Variants in PRKCE observed in about 807,000 individuals in gnomAD.
The protein encoded by PRKCE is protein kinase C epsilon type.
Under a neutral mutation model 85.4 loss-of-function variants are expected in PRKCE, and 16 were observed. The ratio of observed to expected loss-of-function variants is 0.19; its 90% CI spans 0.13 to 0.28. PRKCE has a LOEUF of 0.28. Ranked by LOEUF, PRKCE falls within the 10% of genes least tolerant of loss-of-function variation. The pLI, the probability that PRKCE is intolerant of heterozygous loss-of-function variation, is 1.00. For missense variants in PRKCE, 573 were observed against 975.2 expected, an observed-to-expected ratio of 0.59 and a Z score of 5.49; for synonymous variants, 388 against 371.5, an observed-to-expected ratio of 1.04 and a Z score of -0.51.
intron 2 of PRKCE, among the ~76,000 whole-genome samples, chr2:45,912,093 G>A (rs1398135359): frequency 6.6e-6 from 1 of 152,060 alleles, no homozygotes; most frequent in Non-Finnish European, 1.5e-5. Flanking sequence ...AGTTCTTCTA[G>A]TGTAGCAGTC....
At chr2:45,683,640 G>T (rs1572932680) in intron 1 of PRKCE, among the ~76,000 whole-genome samples, 1 of 152,204 alleles carries the variant, frequency 6.6e-6, no homozygotes, top group South Asian at 2.1e-4. Flanking sequence ...GGGGGGAAAT[G>T]CTTTGCGGGA....
chr2:45,788,955 C>T (rs1462559527), intron 1 of PRKCE, among the ~76,000 whole-genome samples: 1 of 152,214 alleles, frequency 6.6e-6, no homozygotes, highest in African/African-American at 2.4e-5. Flanking sequence ...CCTAGTCCTA[C>T]CCCAGACCAA....
chr2:46,169,632 C>G (rs1248012034), intron 14 of PRKCE, among the ~76,000 whole-genome samples: 1 of 152,216 alleles, frequency 6.6e-6, no homozygotes, highest in Non-Finnish European at 1.5e-5. Flanking sequence ...GGCTTATCAA[C>G]TGAGATGACT....
chr2:45,880,431 G>T (rs1216157478), intron 2 of PRKCE, among the ~76,000 whole-genome samples: 2 of 152,178 alleles, frequency 1.3e-5, no homozygotes, highest in Non-Finnish European at 2.9e-5. Context: ...TATTTGTAGT[G>T]TGAGGAATGG....
intron 12 of PRKCE, among the ~76,000 whole-genome samples, chr2:46,149,339 T>G (rs1486444862): frequency 6.6e-6 from 1 of 152,138 alleles, no homozygotes; most frequent in East Asian, 1.9e-4. Context: ...GTGTTCCCCC[T>G]TGCAGGATAT....
intron 1 of PRKCE, among the ~76,000 whole-genome samples, chr2:45,823,055 A>AG (rs1558714206): frequency 6.6e-6 from 1 of 152,212 alleles, no homozygotes; most frequent in East Asian, 1.9e-4. Context: ...TGCTAGGCCC[A>AG]GGGGAAACAA....
chr2:45,806,066 C>A (rs1338340991), intron 1 of PRKCE, among the ~76,000 whole-genome samples: 2 of 152,150 alleles, frequency 1.3e-5, no homozygotes, highest in Admixed American at 6.5e-5. Context: ...TGAATGAGCT[C>A]CAGGATTTTG....
At chr2:45,852,548 C>G (rs1489104957) in intron 2 of PRKCE, among the ~76,000 whole-genome samples, 2 of 152,190 alleles carry the variant, frequency 1.3e-5, no homozygotes, top group East Asian at 3.9e-4. Context: ...CCTCTAGGAG[C>G]TCTCAAGCCA....
At chr2:45,748,200 T>C (rs1455020445) in intron 1 of PRKCE, among the ~76,000 whole-genome samples, 2 of 152,248 alleles carry the variant, frequency 1.3e-5, no homozygotes, top group Non-Finnish European at 2.9e-5. Context: ...CATGGATATA[T>C]GCCAGGCATC....
intron 1 of PRKCE, among the ~76,000 whole-genome samples, chr2:45,755,325 C>T (rs916440602): frequency 6.6e-6 from 1 of 152,298 alleles, no homozygotes; most frequent in East Asian, 1.9e-4. Flanking sequence ...GCAGCAAATA[C>T]ATTTTTGCAG....
At chr2:45,729,112 A>C (rs1337661762) in intron 1 of PRKCE, among the ~76,000 whole-genome samples, 1 of 152,072 alleles carries the variant, frequency 6.6e-6, no homozygotes, top group Non-Finnish European at 1.5e-5. Flanking sequence ...GGAAGCCTGG[A>C]CTCCAAAGGA....
intron 1 of PRKCE, among the ~76,000 whole-genome samples, chr2:45,839,175 A>G (rs1240255349): frequency 6.6e-6 from 1 of 151,974 alleles, no homozygotes; most frequent in African/African-American, 2.4e-5. Flanking sequence ...AGTGCTTTGC[A>G]TGTATGTTTC....
chr2:45,965,224 C>T (rs896764159), intron 2 of PRKCE, among the ~76,000 whole-genome samples: 4 of 152,200 alleles, frequency 2.6e-5, no homozygotes, highest in Non-Finnish European at 4.4e-5. Flanking sequence ...TGTGTGAGTA[C>T]ACATGTAGAA....
Position 45,679,243 on chromosome 2 carries a change from C to T in PRKCE, c.348+26795C>T, listed in dbSNP as rs565666863. On this transcript the variant is annotated intron_variant, in intron 1 of 14. Coordinates refer to ENST00000306156, the MANE Select transcript of PRKCE (RefSeq NM_005400.3). Reference sequence around the variant, plus strand: ...CATGCATAGTACTTTGCTGTAAACACGAAACTACAGGCACACATATACTCA... The same window carrying T: ...CATGCATAGTACTTTGCTGTAAACATGAAACTACAGGCACACATATACTCA... Among the ~76,000 whole-genome samples the T allele has an allele frequency of 9.2e-5, 14 of 152,256 alleles. 1 individual carries two copies. The South Asian group carries it at 1.7e-3, about 18-fold the overall frequency.
intron 11 of PRKCE, among the ~76,000 whole-genome samples, chr2:46,106,772 T>G (rs1267503319): frequency 6.6e-6 from 1 of 152,212 alleles, no homozygotes; most frequent in Non-Finnish European, 1.5e-5. Context: ...ATGACCTCTT[T>G]AAAGGCCCTG....
chr2:46,025,110 T>G (rs1051436679), intron 10 of PRKCE, among the ~76,000 whole-genome samples: 1 of 152,214 alleles, frequency 6.6e-6, no homozygotes, highest in Non-Finnish European at 1.5e-5. Flanking sequence ...ATTGTTGACC[T>G]TGCAAAAGCT....
rs1388890649 is a variant in PRKCE at position 46,139,626 on chromosome 2, T to A, written c.1593-5467T>A. The stretch of plus-strand genomic sequence containing the variant: ...TAGGTGGCTGCTACTACTTTAGGCA[T>A]TATGTCCTCATTCATGCAATATACA... On this transcript the variant is annotated intron_variant, in intron 11 of 14. Transcript: ENST00000306156. The surrounding 1 kb of genome is among the most constrained non-coding windows in gnomAD (Gnocchi z 5.2). 6.6e-6 allele frequency among the ~76,000 whole-genome samples: 1 copy of A among 152,056 alleles called. No homozygotes were observed. The highest frequency in any genetic ancestry group is 1.5e-5 in the Non-Finnish European group (1 of 68,010).
intron 1 of PRKCE, among the ~76,000 whole-genome samples, chr2:45,789,028 G>A (rs536332834): frequency 1.5e-4 from 23 of 152,258 alleles, no homozygotes; most frequent in African/African-American, 5.5e-4. Flanking sequence ...GGATTCTAAT[G>A]TGCAAGCAAG....
At chr2:45,815,630 A>G (rs1648765106) in intron 1 of PRKCE, among the ~76,000 whole-genome samples, 1 of 152,226 alleles carries the variant, frequency 6.6e-6, no homozygotes, top group Admixed American at 6.5e-5. Context: ...GCAAATGTAA[A>G]CAACCAGGTG....
Sources: allele counts gnomAD v4.1 joint callset (sites outside exome capture counted in the v4.1 genomes callset), GRCh38; gene constraint gnomAD v4.1.1; non-coding constraint Gnocchi (gnomAD v3.1); transcripts MANE v1.5; gene names NCBI Gene and HGNC (gene_info 2026-07-23, HGNC 2026-07-21).